UNC5C: variants seen among roughly 807,000 people sequenced by gnomAD.
The protein encoded by UNC5C is unc-5 netrin receptor C.
A neutral mutation model predicts 99.8 loss-of-function variants in UNC5C; 47 were observed. That is an observed-to-expected ratio of 0.47 (90% CI 0.37 to 0.60). The LOEUF is 0.60. UNC5C is among the 20% of genes least tolerant of loss of function. The pLI is 0.00. For synonymous variants in UNC5C, 487 were observed against 452.2 expected (o/e 1.08, Z -0.98); for missense variants, 1,062 against 1,165.9 (o/e 0.91, Z 1.30).
At chr4:95,315,935 T>A (rs1363552242) in intron 2 of UNC5C, among the ~76,000 whole-genome samples, 1 of 152,206 alleles carries the variant, frequency 6.6e-6, no homozygotes. Context: ...AGTATTTTCT[T>A]TTTACTTCCA....
At chr4:95,295,433 A>G (rs1560774380) in intron 3 of UNC5C, among the ~76,000 whole-genome samples, 1 of 152,196 alleles carries the variant, frequency 6.6e-6, no homozygotes, top group Non-Finnish European at 1.5e-5. Context: ...CCTAACTTTC[A>G]TATTTCCATT....
intron 13 of UNC5C, 57 bp downstream of exon 13, chr4:95,184,990 T>A (rs1736773025): frequency 1.3e-6 from 2 of 1,497,528 alleles, no homozygotes; most frequent in Admixed American, 4.8e-5. Flanking sequence ...TCTATATAAT[T>A]TTAGACCTCT....
chr4:95,296,747 G>A (rs1324460950), intron 3 of UNC5C, among the ~76,000 whole-genome samples: 1 of 152,130 alleles, frequency 6.6e-6, no homozygotes, highest in Non-Finnish European at 1.5e-5. Flanking sequence ...CTTTCCTTGT[G>A]CCTCCTTTGA....
At chr4:95,227,306 C>T (rs1738736276) in intron 7 of UNC5C, among the ~76,000 whole-genome samples, 1 of 151,816 alleles carries the variant, frequency 6.6e-6, no homozygotes, top group African/African-American at 2.4e-5. Flanking sequence ...TGCACCACCA[C>T]ACCCAGGCTA....
chr4:95,364,250 A>G (rs1478502846), intron 1 of UNC5C, among the ~76,000 whole-genome samples: 1 of 152,156 alleles, frequency 6.6e-6, no homozygotes. Context: ...ACAACTGCAC[A>G]AGCTACATCA....
At chr4:95,278,492 T>C (rs79148519) in intron 3 of UNC5C, 130 bp from the exon 4 acceptor site, 1 of 671,412 alleles carries the variant, frequency 1.5e-6, no homozygotes, top group Non-Finnish European at 2.5e-6. Context: ...TTTTTTTTTT[T>C]GAGACAGGGT....
intron 12 of UNC5C, among the ~76,000 whole-genome samples, chr4:95,190,326 A>G (rs1392231733): frequency 3.8e-5 from 4 of 105,550 alleles, no homozygotes. Context: ...AACATCACAC[A>G]CCGGGGACTG....
chr4:95,185,505 A>C (rs549915464), intron 12 of UNC5C, among the ~76,000 whole-genome samples: 1 of 152,322 alleles, frequency 6.6e-6, no homozygotes, highest in East Asian at 1.9e-4. Flanking sequence ...ATGGGGGAAT[A>C]ACATCAGAAC....
chr4:95,246,630 C>T, intron 5 of UNC5C, among the ~76,000 whole-genome samples: 1 of 151,588 alleles, frequency 6.6e-6, no homozygotes, highest in African/African-American at 2.4e-5. Flanking sequence ...ATACATTATG[C>T]ATAATGTATA....
intron 1 of UNC5C, among the ~76,000 whole-genome samples, chr4:95,444,799 A>G (rs77051866): frequency 0.015 from 2,213 of 152,278 alleles, 24 homozygotes; most frequent in Non-Finnish European, 0.023. Flanking sequence ...AAAGTCCTAT[A>G]TCTGCAGGGG....
At chr4:95,494,248 T>C (rs1721575253) in intron 1 of UNC5C, among the ~76,000 whole-genome samples, 1 of 151,536 alleles carries the variant, frequency 6.6e-6, no homozygotes, top group Non-Finnish European at 1.5e-5. Flanking sequence ...TAAATCAGTT[T>C]ACATTTTATA....
chr4:95,301,900 C>T lies in UNC5C; in HGVS notation c.347-151G>A, dbSNP rs540196768. The stretch of plus-strand genomic sequence containing the variant: ...CTCTCATCTCTTTTGACTTTCTTCT[C>T]GTTCCAGTTATTTTACTCAACAACT... On this transcript the variant is annotated intron_variant, in intron 2 of 15. Coordinates refer to ENST00000453304, the MANE Select transcript of UNC5C (RefSeq NM_003728.4). 49 of 1,049,916 alleles carry T rather than the reference C, an allele frequency of 4.7e-5. No individual in the cohort carries two copies. In the South Asian group the frequency reaches 8.1e-4, roughly 17 times the overall value. 65.0% of individuals were successfully genotyped at this position (1,049,916 alleles called of 1,614,324 possible). A position where few individuals can be genotyped will look rare whatever the true frequency, so the allele number is the denominator to read the frequency against.
At chr4:95,183,158 G>T in intron 13 of UNC5C, 97 bp from the exon 14 acceptor site, 1 of 1,251,588 alleles carries the variant, frequency 8.0e-7, no homozygotes, top group Non-Finnish European at 1.1e-6. Context: ...TCACACCTGT[G>T]GCCTCATTTA....
chr4:95,472,163 A>C (rs894018587), intron 1 of UNC5C, among the ~76,000 whole-genome samples: 1 of 152,154 alleles, frequency 6.6e-6, no homozygotes, highest in African/African-American at 2.4e-5. Context: ...CTTCCATTTG[A>C]TGGCTTTGCT....
intron 2 of UNC5C, among the ~76,000 whole-genome samples, chr4:95,308,189 G>A (rs963658682): frequency 5.9e-5 from 9 of 152,062 alleles, no homozygotes; most frequent in African/African-American, 2.2e-4. Flanking sequence ...ATGATGTGCT[G>A]TTACATTTGG....
chr4:95,505,915 C>G lies in UNC5C; in HGVS notation c.124+42819G>C, dbSNP rs187348239. Among the ~76,000 whole-genome samples the G allele has an allele frequency of 2.4e-4, 36 of 152,050 alleles. No homozygotes were observed. The East Asian group carries it at 6.2e-3, about 26-fold the overall frequency. ...AGACCAAGAGTAGATACAAAGAATA[C>G]AAGACTGAACTCATTTCAAGGGTAA... On this transcript the variant is annotated intron_variant, in intron 1 of 15. Coordinates refer to ENST00000453304, the MANE Select transcript of UNC5C (RefSeq NM_003728.4).
At chr4:95,170,528 C>T (rs565284754) in intron 14 of UNC5C, among the ~76,000 whole-genome samples, 196 bp from the exon 15 acceptor site, 55 of 152,266 alleles carry the variant, frequency 3.6e-4, no homozygotes, top group Non-Finnish European at 7.1e-4. Context: ...GATAGAGGTA[C>T]ATACATTTTG....
intron 3 of UNC5C, among the ~76,000 whole-genome samples, chr4:95,295,056 C>A (rs566639993): frequency 8.5e-4 from 129 of 152,232 alleles, no homozygotes; most frequent in African/African-American, 3.0e-3. Context: ...CATATCCTTA[C>A]CCCCACAACA....
intron 4 of UNC5C, among the ~76,000 whole-genome samples, chr4:95,270,989 CT>C (rs1740639110): frequency 6.6e-6 from 1 of 152,152 alleles, no homozygotes; most frequent in African/African-American, 2.4e-5. Context: ...ATGCTTTTTG[CT>C]CTCTCTGACT....
Sources: gnomAD v4.1 joint callset for allele counts (sites outside exome capture counted in the v4.1 genomes callset) on GRCh38, gnomAD v4.1.1 for gene constraint, MANE v1.5 for transcripts, NCBI Gene and HGNC (gene_info 2026-07-23, HGNC 2026-07-21) for gene names.